USP30: variants seen among roughly 807,000 people sequenced by gnomAD.
USP30 encodes the protein ubiquitin carboxyl-terminal hydrolase 30.
Under a neutral mutation model 68.2 loss-of-function variants are expected in USP30, and 41 were observed. The ratio of observed to expected loss-of-function variants is 0.60; its 90% CI spans 0.47 to 0.78. The LOEUF (loss-of-function observed/expected upper bound fraction) is 0.78, where lower values mean the gene tolerates loss of function less well. USP30 is among the 30% of genes least tolerant of loss of function. USP30 has a pLI of 0.00. For synonymous variants in USP30, 229 were observed against 253.7 expected, an observed-to-expected ratio of 0.90 and a Z score of 0.93; for missense variants, 522 against 649.4, an observed-to-expected ratio of 0.80 and a Z score of 2.13.
chr12:109,066,131 A>G (rs1034982222), intron 3 of USP30, among the ~76,000 whole-genome samples: 2 of 151,834 alleles, frequency 1.3e-5, no homozygotes, highest in Admixed American at 1.3e-4. Flanking sequence ...ATGTGCCTGT[A>G]GTCCCAGCTG....
chr12:109,080,696 G>T (rs966404206), intron 7 of USP30, among the ~76,000 whole-genome samples: 3 of 152,032 alleles, frequency 2.0e-5, no homozygotes, highest in African/African-American at 7.3e-5. Flanking sequence ...ATGATGTTTT[G>T]GTCAATGACA....
Position 109,082,651 on chromosome 12 carries a change from C to G in USP30, c.868-12C>G. On this transcript the variant is annotated splice_polypyrimidine_tract_variant and intron_variant, in intron 9 of 12. Coordinates refer to ENST00000257548, the MANE Select transcript of USP30 (RefSeq NM_032663.5). ...TAGGCATTGCTGCAGAGAAATGTTC[C>G]TTTTATTTCAGATTGAAGCCAAGGG... 1 of 1,613,566 alleles carries G rather than the reference C, an allele frequency of 6.2e-7. No homozygotes were observed. The highest frequency in any genetic ancestry group is 8.5e-7 in the Non-Finnish European group (1 of 1,179,686).
At chr12:109,068,894 C>A (rs1324874901) in intron 4 of USP30, among the ~76,000 whole-genome samples, 3 of 152,192 alleles carry the variant, frequency 2.0e-5, no homozygotes, top group East Asian at 1.9e-4. Flanking sequence ...TCTTTATTAT[C>A]AGCGATCCAG....
chr12:109,053,857 A>T (rs899894568), intron 1 of USP30: 1 of 351,068 alleles, frequency 2.8e-6, no homozygotes, highest in Non-Finnish European at 5.6e-6. Context: ...CATCCCCTTG[A>T]CACTCTTCCC....
intron 4 of USP30, among the ~76,000 whole-genome samples, chr12:109,068,789 G>C (rs1345639830): frequency 6.6e-6 from 1 of 152,218 alleles, no homozygotes; most frequent in Non-Finnish European, 1.5e-5. Context: ...CCCACATCGT[G>C]CTGTAGTCTG....
chr12:109,070,006 G>A lies in USP30; in HGVS notation c.481-1606G>A, dbSNP rs867390533. Among the ~76,000 whole-genome samples the A allele has an allele frequency of 2.0e-5, 3 of 152,072 alleles. No homozygotes were observed. Among genetic ancestry groups the A allele is most frequent in the Middle Eastern group, 6.8e-3 (2 of 294 alleles). On this transcript the variant is annotated intron_variant, in intron 4 of 12. Coordinates refer to ENST00000257548, the MANE Select transcript of USP30 (RefSeq NM_032663.5). The surrounding 1 kb of genome is among the most constrained non-coding windows in gnomAD (Gnocchi z 4.0). Reference sequence around the variant, plus strand: ...AGGGCGGTGGAGGAGAGGGGCTGGCGAAGTTGGCAGGGAGCAGATTGTGCA... The same window carrying A: ...AGGGCGGTGGAGGAGAGGGGCTGGCAAAGTTGGCAGGGAGCAGATTGTGCA...
chr12:109,059,559 G>A (rs972636568), intron 3 of USP30, among the ~76,000 whole-genome samples: 1 of 150,798 alleles, frequency 6.6e-6, no homozygotes, highest in African/African-American at 2.4e-5. Flanking sequence ...TGTTGCCCAG[G>A]CTGGAGTGCA....
At chr12:109,026,469 T>A (rs548455068) in intron 2 of USP30, among the ~76,000 whole-genome samples, 63 of 137,082 alleles carry the variant, frequency 4.6e-4, no homozygotes, top group Non-Finnish European at 4.5e-4. Flanking sequence ...ACAACAGAAT[T>A]TTTTTTTTTT....
At chr12:109,079,897 T>C (rs1309173344) in intron 7 of USP30, among the ~76,000 whole-genome samples, 3 of 152,198 alleles carry the variant, frequency 2.0e-5, no homozygotes, top group Non-Finnish European at 4.4e-5. Context: ...ATTTTATGTT[T>C]GGTAATTTTT....
At chr12:109,064,543 G>A (rs770806244) in intron 3 of USP30, among the ~76,000 whole-genome samples, 15 of 152,200 alleles carry the variant, frequency 9.9e-5, no homozygotes, top group Non-Finnish European at 1.9e-4. Context: ...GCCTCCCAGA[G>A]TGCTGGGATT....
intron 7 of USP30, among the ~76,000 whole-genome samples, chr12:109,080,673 C>T (rs2135816628): frequency 6.6e-6 from 1 of 152,306 alleles, no homozygotes; most frequent in East Asian, 1.9e-4. Flanking sequence ...CAACTACAGT[C>T]ATGTGCTATA....
intron 3 of USP30, among the ~76,000 whole-genome samples, chr12:109,063,791 A>T (rs1457534409): frequency 6.6e-6 from 1 of 151,780 alleles, no homozygotes. Context: ...TATATTGAGC[A>T]TCTTTTCATT....
chr12:109,074,216 TTTA>T (rs1435257705), intron 7 of USP30, among the ~76,000 whole-genome samples: 1 of 152,256 alleles, frequency 6.6e-6, no homozygotes, highest in Non-Finnish European at 1.5e-5. Flanking sequence ...CTTTGTTCCT[TTTA>T]TTACCAAATA....
intron 8 of USP30, 191 bp from the exon 9 acceptor site, chr12:109,081,742 G>C (rs2041809651): frequency 3.2e-6 from 2 of 627,072 alleles, no homozygotes; most frequent in African/African-American, 1.8e-5. Flanking sequence ...TCATGCTCTA[G>C]AATCTGTCCG....
upstream of USP30, chr12:109,052,456 T>C (rs959763593): frequency 7.3e-6 from 3 of 408,358 alleles, no homozygotes; most frequent in Non-Finnish European, 1.3e-5. Context: ...CGCCGGGGCC[T>C]GTTGCTAAGG....
intron 7 of USP30, among the ~76,000 whole-genome samples, chr12:109,076,856 C>T (rs1347351854): frequency 4.0e-5 from 6 of 151,626 alleles, no homozygotes; most frequent in Admixed American, 1.3e-4. Flanking sequence ...CTCAGCCTCC[C>T]GAGTAGCTGG....
intron 3 of USP30, among the ~76,000 whole-genome samples, chr12:109,064,933 C>T (rs2041200902): frequency 6.6e-6 from 1 of 152,164 alleles, no homozygotes; most frequent in Non-Finnish European, 1.5e-5. Flanking sequence ...GGTTCATTTC[C>T]CAACCCTGCT....
intron 3 of USP30, among the ~76,000 whole-genome samples, chr12:109,043,794 C>A (rs1371930629): frequency 6.6e-6 from 1 of 152,142 alleles, no homozygotes. Flanking sequence ...AAGCAACCCA[C>A]AGAATAGGAG....
At chr12:109,043,794 C>G (rs1371930629) in intron 3 of USP30, among the ~76,000 whole-genome samples, 1 of 152,142 alleles carries the variant, frequency 6.6e-6, no homozygotes, top group Non-Finnish European at 1.5e-5. Context: ...AAGCAACCCA[C>G]AGAATAGGAG....
Sources: allele counts gnomAD v4.1 joint callset (sites outside exome capture counted in the v4.1 genomes callset), GRCh38; gene constraint gnomAD v4.1.1; non-coding constraint Gnocchi (gnomAD v3.1); transcripts MANE v1.5; gene names NCBI Gene and HGNC (gene_info 2026-07-23, HGNC 2026-07-21).